Variants in FBXL7 observed in about 807,000 individuals in gnomAD.
FBXL7 encodes F-box and leucine rich repeat protein 7, also known as F-box/LRR-repeat protein 7.
Under a neutral mutation model 38.3 loss-of-function variants are expected in FBXL7, and 12 were observed. The observed-to-expected ratio is 0.31, with a 90% CI of 0.20 to 0.51. The LOEUF (loss-of-function observed/expected upper bound fraction) is 0.51. Ranked by LOEUF, FBXL7 falls within the 20% of genes least tolerant of loss-of-function variation. The pLI is 0.98. For synonymous variants in FBXL7, 297 were observed against 300.9 expected (o/e 0.99, Z 0.13); for missense variants, 567 against 676.4 (o/e 0.84, Z 1.79).
intron 2 of FBXL7, among the ~76,000 whole-genome samples, chr5:15,749,244 C>CAA (rs70938027): frequency 0.06 from 4,170 of 69,488 alleles, 253 homozygotes; most frequent in African/African-American, 0.082. Context: ...GACTCTGTCT[C>CAA]AAAAAAAAAA....
chr5:15,672,895 A>G (rs371800904), intron 2 of FBXL7, among the ~76,000 whole-genome samples: 14 of 152,020 alleles, frequency 9.2e-5, no homozygotes, highest in South Asian at 4.2e-4. Flanking sequence ...TCAATTGTCC[A>G]CCTGTCTTTT....
chr5:15,545,884 T>C (rs1175080949), intron 1 of FBXL7, among the ~76,000 whole-genome samples: 2 of 152,164 alleles, frequency 1.3e-5, no homozygotes, highest in African/African-American at 4.8e-5. Context: ...TCTTTGAATG[T>C]TGGGTAGAGT....
intron 2 of FBXL7, among the ~76,000 whole-genome samples, chr5:15,912,524 C>A (rs1357188318): frequency 6.6e-6 from 1 of 152,062 alleles, no homozygotes; most frequent in South Asian, 2.1e-4. Context: ...CGGAGCTGTT[C>A]CTATTTGGCC....
intron 2 of FBXL7, among the ~76,000 whole-genome samples, chr5:15,858,663 G>A (rs1370936237): frequency 6.6e-6 from 1 of 152,168 alleles, no homozygotes; most frequent in African/African-American, 2.4e-5. Context: ...CCACAAGGGA[G>A]CAAGCTACCT....
intron 2 of FBXL7, among the ~76,000 whole-genome samples, chr5:15,887,094 T>A (rs745502918): frequency 4.6e-5 from 7 of 152,212 alleles, no homozygotes; most frequent in Middle Eastern, 3.4e-3. Context: ...CCCATAATTT[T>A]AAAAAAATCG....
In FBXL7 at chr5:15,905,292, GTGT is replaced by G. The variant is rs1741328567; in HGVS notation, c.128-22593_128-22591del. 2.6e-5 allele frequency among the ~76,000 whole-genome samples: 4 copies of G among 152,156 alleles called. No homozygotes were observed. In the South Asian group the frequency reaches 8.3e-4, roughly 31 times the overall value. On this transcript the variant is annotated intron_variant, in intron 2 of 3. Coordinates refer to ENST00000504595, the MANE Select transcript of FBXL7 (RefSeq NM_012304.5). Reference sequence around the variant, plus strand: ...TTTCTCTTTTTAAGCTAAAATTAAGGTGTTGTTTTCATTTTATTTTCACTTTTT... The same window carrying G: ...TTTCTCTTTTTAAGCTAAAATTAAGGTGTTTTCATTTTATTTTCACTTTTT...
chr5:15,654,432 AG>A (rs33920250), intron 2 of FBXL7, among the ~76,000 whole-genome samples: 15,260 of 150,036 alleles, frequency 0.1, 905 homozygotes, highest in African/African-American at 0.16. Context: ...AAAAAAAAAA[AG>A]GCAAAACTGT....
intron 1 of FBXL7, among the ~76,000 whole-genome samples, chr5:15,583,693 C>T (rs1739217308): frequency 6.6e-6 from 1 of 152,210 alleles, no homozygotes. Context: ...ACAGCTGCTT[C>T]ACAGGCTGTC....
At chr5:15,838,079 G>C (rs1473731977) in intron 2 of FBXL7, among the ~76,000 whole-genome samples, 8 of 152,100 alleles carry the variant, frequency 5.3e-5, no homozygotes, top group Admixed American at 3.9e-4. Flanking sequence ...CTGCAGGACT[G>C]TCCCCTTACT....
chr5:15,819,662 A>G (rs1738117715), intron 2 of FBXL7, among the ~76,000 whole-genome samples: 1 of 152,186 alleles, frequency 6.6e-6, no homozygotes, highest in Non-Finnish European at 1.5e-5. Context: ...AACCATCACA[A>G]TGAAAGCCAC....
rs184541446 is a variant in FBXL7 at position 15,547,840 on chromosome 5, G to C, written c.37+47127G>C. Among the ~76,000 whole-genome samples, 351 of 152,300 alleles carry C rather than the reference G, an allele frequency of 2.3e-3. 3 individuals are homozygous for C. Among genetic ancestry groups the C allele is most frequent in the Non-Finnish European group, 4.1e-3 (281 of 68,026 alleles). ...TCTTGTCAACTACTAGTAAAGAAGG[G>C]GATAGAACTAAGTCCACGGTTACCT... On this transcript the variant is annotated intron_variant, in intron 1 of 3. Coordinates refer to ENST00000504595, the MANE Select transcript of FBXL7 (RefSeq NM_012304.5).
At chr5:15,933,549 CA>C (rs1742095739) in intron 3 of FBXL7, among the ~76,000 whole-genome samples, 1 of 152,310 alleles carries the variant, frequency 6.6e-6, no homozygotes, top group Admixed American at 6.5e-5. Flanking sequence ...AGGGAAATTT[CA>C]AAGCTAAAAG....
At chr5:15,633,938 A>G (rs528267392) in intron 2 of FBXL7, among the ~76,000 whole-genome samples, 72 of 150,814 alleles carry the variant, frequency 4.8e-4, no homozygotes, top group Middle Eastern at 3.5e-3. Flanking sequence ...CTGCCACCAC[A>G]CCCAGCTAAT....
chr5:15,580,066 A>C (rs1739086991), intron 1 of FBXL7, among the ~76,000 whole-genome samples: 1 of 152,196 alleles, frequency 6.6e-6, no homozygotes, highest in Admixed American at 6.5e-5. Context: ...AGAGGATAAT[A>C]ATAGGAGGTG....
chr5:15,683,336 A>G (rs1742911497), intron 2 of FBXL7, among the ~76,000 whole-genome samples: 1 of 152,154 alleles, frequency 6.6e-6, no homozygotes, highest in Admixed American at 6.5e-5. Context: ...TTTGTGGGAA[A>G]GTGAGGCTGG....
At chr5:15,599,550 G>A (rs776162271) in intron 1 of FBXL7, among the ~76,000 whole-genome samples, 7 of 152,136 alleles carry the variant, frequency 4.6e-5, no homozygotes, top group Non-Finnish European at 8.8e-5. Context: ...GAAGGCTGAC[G>A]ACATTTTGGG....
chr5:15,682,689 A>T (rs1370204472), intron 2 of FBXL7, among the ~76,000 whole-genome samples: 1 of 152,204 alleles, frequency 6.6e-6, no homozygotes, highest in Non-Finnish European at 1.5e-5. Context: ...TGCCTAAATG[A>T]TAACACATTT....
At chr5:15,643,910 T>C (rs191742236) in intron 2 of FBXL7, among the ~76,000 whole-genome samples, 1 of 152,320 alleles carries the variant, frequency 6.6e-6, no homozygotes, top group Admixed American at 6.5e-5. Context: ...CTTAGATGTG[T>C]GTCTGACTCA....
chr5:15,639,921 G>C (rs1003388231), intron 2 of FBXL7, among the ~76,000 whole-genome samples: 7 of 152,104 alleles, frequency 4.6e-5, no homozygotes, highest in African/African-American at 1.7e-4. Context: ...TGTGCTGCTT[G>C]TTCTTTTCAC....
Sources: allele counts gnomAD v4.1 joint callset (sites outside exome capture counted in the v4.1 genomes callset), GRCh38; gene constraint gnomAD v4.1.1; transcripts MANE v1.5; gene names NCBI Gene and HGNC (gene_info 2026-07-23, HGNC 2026-07-21).